Variants in MICU1 observed in about 807,000 individuals in gnomAD.
The protein encoded by MICU1 is mitochondrial calcium uptake 1.
MICU1 carries 45 observed loss-of-function variants against 56.8 expected under a neutral mutation model. The ratio of observed to expected loss-of-function variants is 0.79; its 90% CI spans 0.62 to 1.02. The LOEUF (loss-of-function observed/expected upper bound fraction) is 1.02. Ranked by LOEUF, MICU1 falls within the 50% of genes least tolerant of loss-of-function variation. The pLI, the probability that MICU1 is intolerant of heterozygous loss-of-function variation, is 0.00. For synonymous variants in MICU1, 186 were observed against 195.1 expected (o/e 0.95, Z 0.39); for missense variants, 504 against 587.1 (o/e 0.86, Z 1.46).
In MICU1 at chr10:72,508,179, T is replaced by G. The variant is rs1313743786; in HGVS notation, c.628A>C (p.Ile210Leu). Residue 210 changes from isoleucine to leucine, a missense_variant, in exon 6 of 12, where the codon ATT becomes CTT. Physicochemically the swap from Ile to Leu is conservative, Grantham distance 5. Transcript: ENST00000361114. ...CTGGAAAGAACAGTTGTGAGGAAAA[T>G]GTAGTCTGAAAAGGATATGAGCCCA... ...ECGLISFSDYIFLTTVLSTPQ... is the reference protein window; with the variant it reads ...ECGLISFSDYLFLTTVLSTPQ... 1.6e-5 allele frequency: 25 copies of G among 1,531,948 alleles called. No homozygotes were observed. The highest frequency in any genetic ancestry group is 1.7e-5 in the Admixed American group (1 of 57,882). 94.9% of individuals were successfully genotyped at this position (1,531,948 alleles called of 1,614,324 possible).
intron 8 of MICU1, among the ~76,000 whole-genome samples, chr10:72,459,119 T>G (rs1865570804): frequency 6.6e-6 from 1 of 151,950 alleles, no homozygotes; most frequent in Non-Finnish European, 1.5e-5. Flanking sequence ...TCTCTTGAGG[T>G]CAAGAGTTCA....
In MICU1 at chr10:72,590,900, T is replaced by G. The variant is rs923769643; in HGVS notation, c.-1-24106A>C. Among the ~76,000 whole-genome samples the G allele has an allele frequency of 2.1e-5, 3 of 143,748 alleles. No individual in the cohort carries two copies. In the East Asian group the frequency reaches 6.2e-4, roughly 30 times the overall value. The allele number at this position is 143,748 out of a possible 152,430, so 94.3% of individuals were successfully genotyped here. ...ACACAAGTAAACCAACCAGATACAA[T>G]GGACACCTACAGAACACTCTACCCA... On this transcript the variant is annotated intron_variant, in intron 1 of 11. Coordinates refer to ENST00000361114, the MANE Select transcript of MICU1 (RefSeq NM_001195518.2).
At chr10:72,433,180 T>A (rs1864599612) in intron 8 of MICU1, among the ~76,000 whole-genome samples, 1 of 151,946 alleles carries the variant, frequency 6.6e-6, no homozygotes, top group Non-Finnish European at 1.5e-5. Context: ...CCTCAGGTCA[T>A]CCTCCTGCCT....
At chr10:72,588,874 T>C (rs1841142611) in intron 1 of MICU1, among the ~76,000 whole-genome samples, 1 of 152,200 alleles carries the variant, frequency 6.6e-6, no homozygotes. Context: ...GTTGAGCCAA[T>C]GCCTTGAAGA....
intron 4 of MICU1, among the ~76,000 whole-genome samples, chr10:72,546,511 C>T (rs956640202): frequency 2.6e-5 from 4 of 152,174 alleles, no homozygotes; most frequent in Non-Finnish European, 5.9e-5. Context: ...ATAAATCTTC[C>T]ACCATGTGGC....
intron 9 of MICU1, among the ~76,000 whole-genome samples, chr10:72,422,725 T>C (rs1864216726): frequency 6.6e-6 from 1 of 151,176 alleles, no homozygotes. Flanking sequence ...TCTTTTTTTT[T>C]TTTGAGATGA....
chr10:72,404,623 G>A (rs1390246260), intron 10 of MICU1, among the ~76,000 whole-genome samples: 2 of 152,036 alleles, frequency 1.3e-5, no homozygotes, highest in African/African-American at 4.8e-5. Context: ...AGACATCAAA[G>A]GGATAATAAT....
chr10:72,537,890 A>G (rs759816247), intron 4 of MICU1, among the ~76,000 whole-genome samples: 4 of 152,196 alleles, frequency 2.6e-5, no homozygotes, highest in Non-Finnish European at 5.9e-5. Flanking sequence ...TTGTCAAAAG[A>G]CACAAGGGCA....
intron 8 of MICU1, among the ~76,000 whole-genome samples, chr10:72,440,893 G>A (rs1246713218): frequency 6.6e-6 from 1 of 152,042 alleles, no homozygotes; most frequent in Non-Finnish European, 1.5e-5. Flanking sequence ...TAAAAAGTCA[G>A]GAAACAACAG....
intron 5 of MICU1, chr10:72,524,608 G>A: frequency 1.9e-6 from 1 of 539,416 alleles, no homozygotes; most frequent in Non-Finnish European, 2.8e-6. Flanking sequence ...AAAGTGACAG[G>A]AACGAAATCA....
At chr10:72,514,959 C>T (rs969508086) in intron 5 of MICU1, among the ~76,000 whole-genome samples, 3 of 152,170 alleles carry the variant, frequency 2.0e-5, no homozygotes, top group South Asian at 2.1e-4. Flanking sequence ...GTATTATTTA[C>T]CTTTAAATCT....
At chr10:72,530,075 C>T (rs968129646) in intron 5 of MICU1, among the ~76,000 whole-genome samples, 4 of 149,298 alleles carry the variant, frequency 2.7e-5, no homozygotes, top group African/African-American at 4.9e-5. Flanking sequence ...CGCCTGTAAT[C>T]GCAACACTTC....
chr10:72,511,359 A>G (rs1288431175), intron 5 of MICU1, among the ~76,000 whole-genome samples: 4 of 152,244 alleles, frequency 2.6e-5, no homozygotes, highest in Admixed American at 2.0e-4. Flanking sequence ...CAAAATCCCT[A>G]AAGTCTAAAA....
At chr10:72,444,846 C>T (rs1865058672) in intron 8 of MICU1, among the ~76,000 whole-genome samples, 1 of 152,180 alleles carries the variant, frequency 6.6e-6, no homozygotes, top group Non-Finnish European at 1.5e-5. Context: ...ATCTCTGCTT[C>T]GTTAGAAAGT....
intron 9 of MICU1, 52 bp from the exon 10 acceptor site, chr10:72,408,089 A>G: frequency 5.3e-6 from 6 of 1,137,914 alleles, no homozygotes; most frequent in Non-Finnish European, 7.9e-6. Context: ...AAAAAGCAGC[A>G]CGATATGCAT....
At chr10:72,593,392 G>C (rs1188166447) in intron 1 of MICU1, among the ~76,000 whole-genome samples, 2 of 151,810 alleles carry the variant, frequency 1.3e-5, no homozygotes, top group Non-Finnish European at 2.9e-5. Context: ...TTGAGGTCAG[G>C]AGTTCAAGAC....
At chr10:72,617,043 A>C (rs1309942807) in intron 1 of MICU1, among the ~76,000 whole-genome samples, 1 of 152,210 alleles carries the variant, frequency 6.6e-6, no homozygotes, top group Non-Finnish European at 1.5e-5. Flanking sequence ...TTCAAAATCT[A>C]GACAACCACT....
intron 1 of MICU1, among the ~76,000 whole-genome samples, chr10:72,593,596 C>T (rs1025062381): frequency 4.0e-5 from 6 of 151,018 alleles, no homozygotes; most frequent in African/African-American, 1.5e-4. Context: ...TCTTCACAGA[C>T]GACATGATCT....
At chr10:72,529,006 T>G (rs1839400438) in intron 5 of MICU1, among the ~76,000 whole-genome samples, 1 of 152,208 alleles carries the variant, frequency 6.6e-6, no homozygotes. Context: ...GTTCCTCTAC[T>G]AATCATATTG....
Sources: gnomAD v4.1 joint callset for allele counts (sites outside exome capture counted in the v4.1 genomes callset) on GRCh38, gnomAD v4.1.1 for gene constraint, MANE v1.5 for transcripts, NCBI Gene and HGNC (gene_info 2026-07-23, HGNC 2026-07-21) for gene names.